The following ADAMTS10 variants were observed in gnomAD, a reference collection of about 807,000 sequenced individuals.
ADAMTS10 encodes the protein A disintegrin and metalloproteinase with thrombospondin motifs 10.
Under a neutral mutation model 135.9 loss-of-function variants are expected in ADAMTS10, and 48 were observed. The ratio of observed to expected loss-of-function variants is 0.35; its 90% confidence interval spans 0.28 to 0.45. ADAMTS10 has a LOEUF of 0.45. Ranked by LOEUF, ADAMTS10 falls within the 20% of genes least tolerant of loss-of-function variation. The pLI, the probability that ADAMTS10 is intolerant of heterozygous loss-of-function variation, is 1.00. For missense variants in ADAMTS10, 1,131 were observed against 1,565.2 expected, an observed-to-expected ratio of 0.72 and a Z score of 4.68; for synonymous variants, 621 against 647.5, an observed-to-expected ratio of 0.96 and a Z score of 0.62.
chr19:8,603,351 T>G (rs2042686612), intron 5 of ADAMTS10, among the ~76,000 whole-genome samples: 1 of 152,164 alleles, frequency 6.6e-6, no homozygotes, highest in African/African-American at 2.4e-5. Flanking sequence ...CTCTGCTCAC[T>G]GCAACCTCTG....
chr19:8,590,016 A>C (rs782582310), intron 15 of ADAMTS10, 25 bp from the exon 16 acceptor site: 1 of 1,554,560 alleles, frequency 6.4e-7, no homozygotes, highest in Admixed American at 1.7e-5. Context: ...GGAGAGATGG[A>C]GGGAGGCCAG....
Position 8,585,036 on chromosome 19 carries a change from C to G in ADAMTS10, c.3061G>C (p.Val1021Leu), listed in dbSNP as rs1555736488. 2 of 1,531,488 alleles carry G rather than the reference C, an allele frequency of 1.3e-6. No homozygotes were observed. The highest frequency in any genetic ancestry group is 1.8e-6 in the Non-Finnish European group (2 of 1,142,844). The allele number at this position is 1,531,488 out of a possible 1,614,324, so 94.9% of individuals were successfully genotyped here. Residue 1021 changes from valine (V) to leucine (L), a missense_variant, in exon 25 of 26, where the codon GTC becomes CTC. By Grantham distance (32) the Val-to-Leu change is conservative. Coordinates refer to ENST00000597188, the MANE Select transcript of ADAMTS10 (RefSeq NM_030957.4). ...EWGECSAQCG[V>L]GQRQRSVRCT... ...CGCACCGAGCGCTGCCGCTGCCCGACGCCGCACTGTGCAGAGCACTGCGAG... is the reference window on the plus strand; with the variant it reads ...CGCACCGAGCGCTGCCGCTGCCCGAGGCCGCACTGTGCAGAGCACTGCGAG...
At position 8,605,397 on chromosome 19, in the gene ADAMTS10, CT is replaced by C. The variant is rs782006897; in HGVS notation, c.89-40del. On this transcript the variant is annotated intron_variant, in intron 3 of 25. Coordinates refer to ENST00000597188, the MANE Select transcript of ADAMTS10 (RefSeq NM_030957.4). This position sits in a 1 kb window ranked among gnomAD's most constrained non-coding sequence, Gnocchi z 7.7. ...TCAGAGGCCTGGGGTGGGCCCTGGT[CT>C]TATTGGACCCCTGTGTCCTGGCTGT... is the stretch of plus-strand genomic sequence containing the variant. The C allele has an allele frequency of 1.3e-6, 2 of 1,545,510 alleles. No individual in the cohort carries two copies. The highest frequency in any genetic ancestry group is 2.4e-5 in the South Asian group (2 of 84,674).
At chr19:8,610,154 A>T (rs138530607) in intron 1 of ADAMTS10, among the ~76,000 whole-genome samples, 194 of 151,422 alleles carry the variant, frequency 1.3e-3, no homozygotes, top group Admixed American at 3.0e-3. Context: ...ACCAGAGACA[A>T]ACTCACAAGT....
chr19:8,582,581 T>C (rs1555736058), intron 25 of ADAMTS10: 1 of 152,234 alleles, frequency 6.6e-6, no homozygotes. Flanking sequence ...TCATGATGTC[T>C]GTTGATGACT....
At chr19:8,589,744 A>G (rs1360294641) in intron 16 of ADAMTS10, 145 bp downstream of exon 16, 20 of 1,403,956 alleles carry the variant, frequency 1.4e-5, no homozygotes, top group Admixed American at 9.9e-5. Context: ...TTGAACCCCC[A>G]TGGTACCGTA....
chr19:8,596,250 G>T lies in ADAMTS10; in HGVS notation c.1191-31C>A. The T allele has an allele frequency of 6.2e-7, 1 of 1,612,980 alleles. No individual in the cohort carries two copies. The highest frequency in any genetic ancestry group is 8.5e-7 in the Non-Finnish European group (1 of 1,180,022). On this transcript the variant is annotated intron_variant, in intron 10 of 25. Coordinates refer to ENST00000597188, the MANE Select transcript of ADAMTS10 (RefSeq NM_030957.4). The surrounding 1 kb of genome is among the most constrained non-coding windows in gnomAD (Gnocchi z 7.2). Reference sequence around the variant, plus strand: ...GAAAGGGGTGTCGGCTCTGCCGGGCGCTGAGGGACCCGCCCAGCTCCTCCC... The same window carrying T: ...GAAAGGGGTGTCGGCTCTGCCGGGCTCTGAGGGACCCGCCCAGCTCCTCCC...
Position 8,580,834 on chromosome 19 carries a change from C to G in ADAMTS10, c.*59G>C, listed in dbSNP as rs2042334744. 1.4e-6 allele frequency: 2 copies of G among 1,435,752 alleles called. No individual in the cohort carries two copies. The highest frequency in any genetic ancestry group is 4.9e-5 in the East Asian group (2 of 40,474). 88.9% of individuals were successfully genotyped at this position (1,435,752 alleles called of 1,614,324 possible). On this transcript the variant is annotated 3_prime_UTR_variant, in exon 26 of 26. Transcript: ENST00000597188. The stretch of plus-strand genomic sequence containing the variant: ...CCCCCCGGGGCCCCCTCTGGCCGGC[C>G]CGCTGCAGGGCTGGCGGCGGAGACC...
chr19:8,600,667 T>A (rs1693261904), intron 6 of ADAMTS10, among the ~76,000 whole-genome samples: 1 of 151,756 alleles, frequency 6.6e-6, no homozygotes, highest in Admixed American at 6.6e-5. Flanking sequence ...CTCGGCTAAT[T>A]TTTTGTATTT....
chr19:8,585,058 C>A lies in ADAMTS10; in HGVS notation c.3043-4G>T, dbSNP rs1346866694. 10 of 1,393,750 alleles carry A rather than the reference C, an allele frequency of 7.2e-6. No homozygotes were observed. Among genetic ancestry groups the A allele is most frequent in the Non-Finnish European group, 9.7e-6 (10 of 1,032,930 alleles). 86.3% of individuals were successfully genotyped at this position (1,393,750 alleles called of 1,614,324 possible). On this transcript the variant is annotated splice_region_variant and splice_polypyrimidine_tract_variant and intron_variant, in intron 24 of 25. Coordinates refer to ENST00000597188, the MANE Select transcript of ADAMTS10 (RefSeq NM_030957.4). ...CGACGCCGCACTGTGCAGAGCACTGCGAGGGGGCACCACTCAGTTGCTGCC... is the reference window on the plus strand; with the variant it reads ...CGACGCCGCACTGTGCAGAGCACTGAGAGGGGGCACCACTCAGTTGCTGCC...
chr19:8,608,692 T>C (rs575738262), intron 1 of ADAMTS10, among the ~76,000 whole-genome samples: 45 of 152,120 alleles, frequency 3.0e-4, no homozygotes, highest in African/African-American at 1.0e-3. Flanking sequence ...TGGTCTTGTC[T>C]AGAGTGTCTT....
chr19:8,584,159 A>C (rs1232587228), intron 25 of ADAMTS10, among the ~76,000 whole-genome samples: 28 of 150,134 alleles, frequency 1.9e-4, no homozygotes, highest in Admixed American at 1.9e-3. Flanking sequence ...CATCTCAAAA[A>C]AAAAAAAAAA....
chr19:8,608,636 C>A (rs782767846), intron 1 of ADAMTS10, among the ~76,000 whole-genome samples: 3 of 152,128 alleles, frequency 2.0e-5, no homozygotes, highest in Non-Finnish European at 2.9e-5. Context: ...CCTGTTCTTG[C>A]ATTGCCAGGC....
chr19:8,596,222 G>A lies in ADAMTS10; in HGVS notation c.1191-3C>T. 4 of 1,613,812 alleles carry A rather than the reference G, an allele frequency of 2.5e-6. No individual in the cohort carries two copies. Among genetic ancestry groups the A allele is most frequent in the Non-Finnish European group, 3.4e-6 (4 of 1,180,020 alleles). On this transcript the variant is annotated splice_polypyrimidine_tract_variant and splice_region_variant and intron_variant, in intron 10 of 25. Coordinates refer to ENST00000597188, the MANE Select transcript of ADAMTS10 (RefSeq NM_030957.4). This position sits in a 1 kb window ranked among gnomAD's most constrained non-coding sequence, Gnocchi z 7.2. ...CGCCGTCATGGTTCATGCCGAATCT[G>A]GGGAAAGGGGTGTCGGCTCTGCCGG...
Position 8,580,950 on chromosome 19 carries a change from C to G in ADAMTS10, c.3255G>C (p.Gln1085His). 1 of 1,613,524 alleles carries G rather than the reference C, an allele frequency of 6.2e-7. No individual in the cohort carries two copies. Among genetic ancestry groups the G allele is most frequent in the Non-Finnish European group, 8.5e-7 (1 of 1,179,830 alleles). ...GGCGGAAGTAGGCTCGGCTGCAGAA[C>G]TGAAATTTGAGCACCAGGGGGCAGT... is the stretch of plus-strand genomic sequence containing the variant. ...VAYCPLVLKF[Q>H]FCSRAYFRQM... is the part of the protein sequence containing the mutation. The change falls in exon 26 of 26, where the codon CAG becomes CAC. Residue 1085 changes from glutamine (Q) to histidine (H), a missense_variant. By Grantham distance (24) the Gln-to-His change is conservative (BLOSUM62 0). Transcript: ENST00000597188.
chr19:8,605,940 C>A lies in ADAMTS10; in HGVS notation c.-99-131G>T, dbSNP rs535944301. ...GAATGCATTTTCTCACTCAGTCACTCCCCTCTCCCCACCTCCCCTTCCAAT... is the reference window on the plus strand; with the variant it reads ...GAATGCATTTTCTCACTCAGTCACTACCCTCTCCCCACCTCCCCTTCCAAT... On this transcript the variant is annotated intron_variant, in intron 2 of 25. Transcript: ENST00000597188. This position sits in a 1 kb window ranked among gnomAD's most constrained non-coding sequence, Gnocchi z 7.7. 3.2e-5 allele frequency: 28 copies of A among 861,596 alleles called. No homozygotes were observed. The African/African-American group carries it at 4.4e-4, about 14-fold the overall frequency. The allele number at this position is 861,596 out of a possible 1,614,324, so 53.4% of individuals were successfully genotyped here. A position where few individuals can be genotyped will look rare whatever the true frequency, so the allele number is the denominator to read the frequency against.
intron 22 of ADAMTS10, 144 bp downstream of exon 22, chr19:8,585,978 T>C: frequency 4.3e-6 from 6 of 1,402,246 alleles, no homozygotes; most frequent in Non-Finnish European, 5.8e-6. Context: ...CCATAACTCC[T>C]ATAGAACCAT....
intron 16 of ADAMTS10, 36 bp from the exon 17 acceptor site, chr19:8,589,621 C>A (rs1555738381): frequency 2.5e-6 from 4 of 1,612,240 alleles, no homozygotes; most frequent in African/African-American, 1.3e-5. Flanking sequence ...ACGGGCCAGG[C>A]CACCCCGGAA....
rs896051807 is a variant in ADAMTS10 at position 8,601,608 on chromosome 19, C to T, written c.593-463G>A. On this transcript the variant is annotated intron_variant, in intron 5 of 25. Transcript: ENST00000597188. This position sits in a 1 kb window ranked among gnomAD's most constrained non-coding sequence, Gnocchi z 4.6. ...AACTCCTGACCTCAAGTGATCCACC[C>T]GTCTCAGCCTCCCAAAGTGCTGGGA... 2.6e-5 allele frequency among the ~76,000 whole-genome samples: 4 copies of T among 152,020 alleles called. No individual in the cohort carries two copies. The highest frequency in any genetic ancestry group is 6.6e-5 in the Admixed American group (1 of 15,260).
Sources: allele counts gnomAD v4.1 joint callset (sites outside exome capture counted in the v4.1 genomes callset), GRCh38; gene constraint gnomAD v4.1.1; non-coding constraint Gnocchi (gnomAD v3.1); transcripts MANE v1.5; gene names NCBI Gene and HGNC (gene_info 2026-07-23, HGNC 2026-07-21).